The following MAP7 variants were observed in gnomAD, a reference collection of about 807,000 sequenced individuals.
MAP7 encodes the protein ensconsin.
In MAP7, 52 loss-of-function variants were observed where a neutral mutation model predicts 94.8. That is an observed-to-expected ratio of 0.55 (90% CI 0.44 to 0.69). The LOEUF is 0.69. MAP7 is among the 30% of genes least tolerant of loss of function. MAP7 has a pLI of 0.00. For missense variants in MAP7, 940 were observed against 964.6 expected, an observed-to-expected ratio of 0.97 and a Z score of 0.34; for synonymous variants, 350 against 357.0, an observed-to-expected ratio of 0.98 and a Z score of 0.22.
intron 1 of MAP7, among the ~76,000 whole-genome samples, chr6:136,510,339 C>T (rs778188465): frequency 2.6e-5 from 4 of 152,118 alleles, no homozygotes; most frequent in Non-Finnish European, 5.9e-5. Context: ...TAACACTCCA[C>T]AGACCTAAAG....
chr6:136,414,649 C>CT (rs922450947), intron 2 of MAP7, among the ~76,000 whole-genome samples: 20 of 147,238 alleles, frequency 1.4e-4, no homozygotes, highest in African/African-American at 2.0e-4. Context: ...TCATGAAAAA[C>CT]TTTTTTTTTT....
At chr6:136,535,742 T>A (rs1009909667) in intron 1 of MAP7, among the ~76,000 whole-genome samples, 1 of 151,980 alleles carries the variant, frequency 6.6e-6, no homozygotes, top group Non-Finnish European at 1.5e-5. Context: ...GTCATCTTTT[T>A]TTTTCTTTTT....
intron 1 of MAP7, among the ~76,000 whole-genome samples, chr6:136,507,491 A>AAC (rs547551818): frequency 5.1e-4 from 77 of 151,748 alleles, no homozygotes; most frequent in African/African-American, 1.8e-3. Context: ...AAAAAAAAAA[A>AAC]AGAAAAAACA....
intron 3 of MAP7, among the ~76,000 whole-genome samples, chr6:136,407,352 A>T (rs1785940631): frequency 6.6e-6 from 1 of 152,222 alleles, no homozygotes; most frequent in Non-Finnish European, 1.5e-5. Context: ...TAGAATGTGA[A>T]CTAAAACGTG....
intron 1 of MAP7, among the ~76,000 whole-genome samples, chr6:136,442,798 C>G (rs1196264979): frequency 6.6e-6 from 1 of 152,154 alleles, no homozygotes; most frequent in African/African-American, 2.4e-5. Context: ...TCCCCTAGAC[C>G]ATCTGCCTTC....
chr6:136,444,453 T>C (rs939282689), intron 1 of MAP7, among the ~76,000 whole-genome samples: 1 of 152,236 alleles, frequency 6.6e-6, no homozygotes, highest in African/African-American at 2.4e-5. Context: ...AATCTATGGA[T>C]AGGCATTTGT....
intron 1 of MAP7, among the ~76,000 whole-genome samples, chr6:136,453,291 G>T (rs1801753342): frequency 6.6e-6 from 1 of 152,110 alleles, no homozygotes; most frequent in Non-Finnish European, 1.5e-5. Context: ...GCAGCCATTG[G>T]CTGTAAAACC....
At chr6:136,508,510 TG>T (rs1488399235) in intron 1 of MAP7, among the ~76,000 whole-genome samples, 2 of 152,210 alleles carry the variant, frequency 1.3e-5, no homozygotes, top group African/African-American at 4.8e-5. Context: ...ATTCTGAATT[TG>T]GACACCAATA....
intron 10 of MAP7, among the ~76,000 whole-genome samples, chr6:136,365,396 T>C (rs931813921): frequency 1.1e-4 from 16 of 152,170 alleles, no homozygotes; most frequent in African/African-American, 3.4e-4. Flanking sequence ...CATTTCTAAG[T>C]AGCATCTGGT....
chr6:136,470,444 A>G (rs1808581526), intron 1 of MAP7, among the ~76,000 whole-genome samples: 2 of 152,180 alleles, frequency 1.3e-5, no homozygotes, highest in South Asian at 4.1e-4. Flanking sequence ...TAACACTTCC[A>G]TCACCTCCCA....
chr6:136,532,120 C>A (rs1242211415), intron 1 of MAP7, among the ~76,000 whole-genome samples: 2 of 152,138 alleles, frequency 1.3e-5, no homozygotes, highest in African/African-American at 2.4e-5. Context: ...CCTACCCAAG[C>A]TGCCCCAGAA....
chr6:136,352,648 GT>G (rs1287649295), intron 16 of MAP7, among the ~76,000 whole-genome samples: 1 of 151,946 alleles, frequency 6.6e-6, no homozygotes, highest in Non-Finnish European at 1.5e-5. Context: ...TTAAATCTAT[GT>G]TTTTTTCCTT....
At chr6:136,446,038 G>C (rs1052063896) in intron 1 of MAP7, among the ~76,000 whole-genome samples, 1 of 152,164 alleles carries the variant, frequency 6.6e-6, no homozygotes, top group Non-Finnish European at 1.5e-5. Context: ...ATAAATTGGG[G>C]TTCCCACAAC....
intron 1 of MAP7, chr6:136,525,972 C>A: frequency 6.8e-7 from 1 of 1,478,336 alleles, no homozygotes. Flanking sequence ...CATACCGCTG[C>A]TACTTGTTTT....
At chr6:136,469,192 C>A (rs1808144573) in intron 1 of MAP7, among the ~76,000 whole-genome samples, 1 of 152,118 alleles carries the variant, frequency 6.6e-6, no homozygotes, top group African/African-American at 2.4e-5. Flanking sequence ...TAGAAAGAGG[C>A]ATGATCCTAA....
chr6:136,401,016 A>G (rs754089288), intron 3 of MAP7, among the ~76,000 whole-genome samples: 15 of 152,176 alleles, frequency 9.9e-5, no homozygotes, highest in Non-Finnish European at 1.5e-4. Context: ...ACCCTAACTC[A>G]ACACATCCAT....
At chr6:136,481,292 C>T (rs1812776661) in intron 1 of MAP7, among the ~76,000 whole-genome samples, 1 of 152,146 alleles carries the variant, frequency 6.6e-6, no homozygotes, top group South Asian at 2.1e-4. Context: ...AGAAAGGAAA[C>T]TAAATGTAGC....
chr6:136,479,087 A>G (rs923688724), intron 1 of MAP7, among the ~76,000 whole-genome samples: 1 of 151,986 alleles, frequency 6.6e-6, no homozygotes, highest in Non-Finnish European at 1.5e-5. Context: ...ACAGGCCAAG[A>G]TCCCTGATGA....
intron 1 of MAP7, among the ~76,000 whole-genome samples, chr6:136,439,002 T>C (rs1415349771): frequency 6.6e-6 from 1 of 152,228 alleles, no homozygotes; most frequent in Non-Finnish European, 1.5e-5. Context: ...GCAACTGTTT[T>C]AAATCATATT....
Sources: allele counts gnomAD v4.1 joint callset (sites outside exome capture counted in the v4.1 genomes callset), GRCh38; gene constraint gnomAD v4.1.1; transcripts MANE v1.5; gene names NCBI Gene and HGNC (gene_info 2026-07-23, HGNC 2026-07-21).